JAK1: variants seen among roughly 807,000 people sequenced by gnomAD.
JAK1 encodes the protein tyrosine-protein kinase JAK1.
JAK1 carries 16 observed loss-of-function variants against 136.6 expected under a neutral mutation model. The ratio of observed to expected loss-of-function variants is 0.12; its 90% CI spans 0.08 to 0.18. The LOEUF is 0.18. JAK1 is among the 10% of genes least tolerant of loss of function. JAK1 has a pLI of 1.00. For synonymous variants in JAK1, 492 were observed against 519.5 expected, an observed-to-expected ratio of 0.95 and a Z score of 0.72; for missense variants, 859 against 1,450.1, an observed-to-expected ratio of 0.59 and a Z score of 6.62.
intron 1 of JAK1, among the ~76,000 whole-genome samples, chr1:64,897,167 C>T (rs77501976): frequency 1.1e-3 from 165 of 151,928 alleles, no homozygotes; most frequent in Admixed American, 4.8e-3. Context: ...CGATGGCTCA[C>T]GCCTGCAATC....
intron 1 of JAK1, among the ~76,000 whole-genome samples, chr1:64,944,221 C>CA (rs771660692): frequency 0.31 from 19,241 of 62,402 alleles, 2,841 homozygotes; most frequent in East Asian, 0.56. Context: ...GACTCTGTCT[C>CA]AAAAAAAAAA....
At chr1:64,903,264 T>C (rs1297319195) in intron 1 of JAK1, among the ~76,000 whole-genome samples, 1 of 152,140 alleles carries the variant, frequency 6.6e-6, no homozygotes, top group Non-Finnish European at 1.5e-5. Flanking sequence ...TGACCTCAGG[T>C]GATCCACCGG....
chr1:64,951,095 T>C (rs1256306518), intron 1 of JAK1, among the ~76,000 whole-genome samples: 8 of 152,194 alleles, frequency 5.3e-5, no homozygotes. Context: ...GTGGGCCTGT[T>C]CTCCATGACT....
chr1:65,038,121 ACT>A (rs59465913), intron 2 of JAK1, among the ~76,000 whole-genome samples: 2,046 of 151,812 alleles, frequency 0.013, 42 homozygotes, highest in African/African-American at 0.046. Context: ...GCAACAGGGC[ACT>A]GTGTCCAGAA....
intron 2 of JAK1, chr1:65,002,453 G>A (rs772778971): frequency 2.0e-5 from 3 of 152,244 alleles, no homozygotes; most frequent in Admixed American, 1.3e-4. Context: ...CTACAAGCAA[G>A]TAACAAGCTT....
chr1:64,992,073 A>C (rs547544334), intron 2 of JAK1: 1 of 152,204 alleles, frequency 6.6e-6, no homozygotes, highest in Non-Finnish European at 1.5e-5. Context: ...TGGAAAAAGC[A>C]TATCCTCAAA....
intron 1 of JAK1, chr1:65,057,711 C>T (rs1178258694): frequency 6.5e-6 from 1 of 154,770 alleles, no homozygotes; most frequent in Non-Finnish European, 1.5e-5. Context: ...GTGATGCTGG[C>T]TTGGTGTTTA....
intron 5 of JAK1, among the ~76,000 whole-genome samples, chr1:64,869,793 G>T (rs1656963113): frequency 6.6e-6 from 1 of 152,200 alleles, no homozygotes; most frequent in African/African-American, 2.4e-5. Context: ...CTGCGCCAGA[G>T]CAAGGGAAGG....
intron 2 of JAK1, among the ~76,000 whole-genome samples, chr1:64,884,451 A>C (rs1379170399): frequency 6.6e-6 from 1 of 152,192 alleles, no homozygotes; most frequent in Non-Finnish European, 1.5e-5. Context: ...AACACATACC[A>C]GATCCTCCAA....
intron 2 of JAK1, among the ~76,000 whole-genome samples, chr1:64,977,180 C>A (rs1211399838): frequency 6.7e-6 from 1 of 148,506 alleles, no homozygotes; most frequent in Non-Finnish European, 1.5e-5. Flanking sequence ...GATAGGATCT[C>A]CCTCTGTCGC....
At chr1:65,007,375 A>G (rs1231299624) in intron 2 of JAK1, among the ~76,000 whole-genome samples, 1 of 152,188 alleles carries the variant, frequency 6.6e-6, no homozygotes, top group Non-Finnish European at 1.5e-5. Flanking sequence ...TAACCACCAC[A>G]TCACTCCTGT....
At chr1:64,894,278 T>C (rs1644981152) in intron 1 of JAK1, among the ~76,000 whole-genome samples, 1 of 152,072 alleles carries the variant, frequency 6.6e-6, no homozygotes, top group Non-Finnish European at 1.5e-5. Context: ...ATCGAAGAGG[T>C]TGAACCTAGT....
chr1:64,907,404 G>A (rs1214825482), intron 1 of JAK1, among the ~76,000 whole-genome samples: 1 of 152,136 alleles, frequency 6.6e-6, no homozygotes, highest in African/African-American at 2.4e-5. Flanking sequence ...GTAGAATTTA[G>A]AAAAAGTGCT....
At chr1:65,056,395 G>A (rs1246174053) in intron 1 of JAK1, among the ~76,000 whole-genome samples, 1 of 152,180 alleles carries the variant, frequency 6.6e-6, no homozygotes, top group Admixed American at 6.5e-5. Context: ...GTAGAGCAGA[G>A]GGAAGAGACA....
Position 65,001,678 on chromosome 1 carries a change from TGGG to T in JAK1, c.-78+42799_-78+42801del, listed in dbSNP as rs112850726. ...GTTTGAGAGGTAGAAAGTGTGTGTG[TGGG>T]GGGGGGGGTATGTGTGCCTGAAAGG... is the stretch of plus-strand genomic sequence containing the variant. On this transcript the variant is annotated intron_variant, in intron 2 of 25. Coordinates refer to the JAK1 transcript ENST00000671954. Among the ~76,000 whole-genome samples the T allele has an allele frequency of 7.0e-4, 68 of 96,792 alleles. 2 individuals are homozygous for T. Among genetic ancestry groups the T allele is most frequent in the Middle Eastern group, 0.011 (2 of 178 alleles). 63.5% of individuals were successfully genotyped at this position (96,792 alleles called of 152,430 possible).
rs114008171 is a variant in JAK1 at position 64,869,671 on chromosome 1, A to G, written c.484-197T>C. 5.8e-3 allele frequency among the ~76,000 whole-genome samples: 876 copies of G among 152,310 alleles called. 14 individuals carry two copies. The highest frequency in any genetic ancestry group is 4.9e-3 in the Non-Finnish European group (333 of 68,022). On this transcript the variant is annotated intron_variant, in intron 5 of 24. Coordinates refer to ENST00000342505, the MANE Select transcript of JAK1 (RefSeq NM_002227.4). The stretch of plus-strand genomic sequence containing the variant: ...AGGAGATGTTCTCCCCCGCTCATTC[A>G]TTTAACAAAACATTGACTGAGCACT...
chr1:65,056,754 A>G (rs1647558200), intron 1 of JAK1, among the ~76,000 whole-genome samples: 1 of 151,890 alleles, frequency 6.6e-6, no homozygotes, highest in South Asian at 2.1e-4. Flanking sequence ...GTGAAACACC[A>G]TCTCTACCAA....
chr1:65,007,772 G>A (rs1042766117), intron 2 of JAK1, among the ~76,000 whole-genome samples: 3 of 142,586 alleles, frequency 2.1e-5, no homozygotes, highest in African/African-American at 5.3e-5. Context: ...CTGATACAGC[G>A]TTTTGCTCTG....
In JAK1 at chr1:64,857,705, G is replaced by A. The variant is rs745842082; in HGVS notation, c.1409C>T (p.Thr470Ile). 1.2e-6 allele frequency: 2 copies of A among 1,614,184 alleles called. No homozygotes were observed. The highest frequency in any genetic ancestry group is 1.7e-4 in the Middle Eastern group (1 of 6,060). The stretch of plus-strand genomic sequence containing the variant: ...GGTCATGAGGATGTTGTCAAAGTCG[G>A]TGCAGCTCCACCTCAGCACGTACAT... ...EGMYVLRWSC[T>I]DFDNILMTVT... The change falls in exon 10 of 25, where the codon ACC (threonine) becomes ATC (isoleucine). Residue 470 changes from threonine to isoleucine, a missense_variant. By Grantham distance (89) the Thr-to-Ile change is moderately conservative. Coordinates refer to ENST00000342505, the MANE Select transcript of JAK1 (RefSeq NM_002227.4).
Sources: allele counts gnomAD v4.1 joint callset (sites outside exome capture counted in the v4.1 genomes callset), GRCh38; gene constraint gnomAD v4.1.1; transcripts MANE v1.5; gene names NCBI Gene and HGNC (gene_info 2026-07-23, HGNC 2026-07-21).